Variants in SARDH observed in about 807,000 individuals in gnomAD.
SARDH encodes sarcosine dehydrogenase.
A neutral mutation model predicts 109.1 loss-of-function variants in SARDH; 95 were observed. The observed-to-expected ratio is 0.87, with a 90% CI of 0.74 to 1.03. The LOEUF is 1.03. Ranked by LOEUF, SARDH falls within the 50% of genes least tolerant of loss-of-function variation. The pLI is 0.00. For synonymous variants in SARDH, 572 were observed against 534.8 expected, an observed-to-expected ratio of 1.07 and a Z score of -0.96; for missense variants, 1,267 against 1,287.8, an observed-to-expected ratio of 0.98 and a Z score of 0.25.
chr9:133,710,354 C>T (rs958988953), intron 10 of SARDH, among the ~76,000 whole-genome samples: 9 of 152,246 alleles, frequency 5.9e-5, no homozygotes, highest in East Asian at 3.9e-4. Context: ...AAGGAACTCA[C>T]GCGCAGGGCG....
chr9:133,714,876 GA>G (rs1337259868), intron 8 of SARDH, among the ~76,000 whole-genome samples: 1 of 152,216 alleles, frequency 6.6e-6, no homozygotes, highest in Non-Finnish European at 1.5e-5. Context: ...GGGAGGGCAG[GA>G]AAGAAGCTCT....
chr9:133,734,431 ATT>A (rs1343787665), intron 1 of SARDH, among the ~76,000 whole-genome samples: 8 of 147,022 alleles, frequency 5.4e-5, no homozygotes, highest in African/African-American at 8.2e-5. Context: ...TCATTCACTC[ATT>A]CATTCACTCA....
intron 14 of SARDH, among the ~76,000 whole-genome samples, chr9:133,694,733 T>C: frequency 6.6e-6 from 1 of 152,220 alleles, no homozygotes; most frequent in East Asian, 1.9e-4. Context: ...GGCTCCTAGC[T>C]CCGTGCCTGG....
Position 133,685,182 on chromosome 9 carries a change from C to A in SARDH, c.2163+11G>T, listed in dbSNP as rs764474282. 2 of 1,613,028 alleles carry A rather than the reference C, an allele frequency of 1.2e-6. No homozygotes were observed. Among genetic ancestry groups the A allele is most frequent in the Non-Finnish European group, 1.7e-6 (2 of 1,179,424 alleles). Reference sequence around the variant, plus strand: ...CCCACGACCCAGAGGACGTGGCCAGCTGGAACCTACCAGGTGCCCTGCGGC... The same window carrying A: ...CCCACGACCCAGAGGACGTGGCCAGATGGAACCTACCAGGTGCCCTGCGGC... On this transcript the variant is annotated intron_variant, in intron 17 of 20. Transcript: ENST00000439388.
chr9:133,670,747 G>T lies in SARDH; in HGVS notation c.2332C>A (p.Arg778=). The T allele has an allele frequency of 6.4e-7, 1 of 1,571,602 alleles. No homozygotes were observed. Among genetic ancestry groups the T allele is most frequent in the African/African-American group, 1.4e-5 (1 of 73,606 alleles). ...IDSLSIEKGY[R]HWHADLRPDD... Reference sequence around the variant, plus strand: ...GGCCGCAGGTCCGCGTGCCAGTGCCGGTAGCCTGTGGGAAGGGAATCCATG... The same window carrying T: ...GGCCGCAGGTCCGCGTGCCAGTGCCTGTAGCCTGTGGGAAGGGAATCCATG... The change falls in exon 19 of 21, where the codon CGG becomes AGG. Residue 778 remains arginine, a synonymous_variant. Coordinates refer to ENST00000439388, the MANE Select transcript of SARDH (RefSeq NM_001134707.2).
At chr9:133,720,623 G>T (rs1204559689) in intron 6 of SARDH, among the ~76,000 whole-genome samples, 4 of 151,682 alleles carry the variant, frequency 2.6e-5, no homozygotes, top group African/African-American at 4.8e-5. Context: ...AGGAGCAAAG[G>T]CATGTCTTAC....
intron 18 of SARDH, among the ~76,000 whole-genome samples, chr9:133,671,055 G>T (rs1564232944): frequency 6.6e-6 from 1 of 152,182 alleles, no homozygotes; most frequent in Admixed American, 6.5e-5. Flanking sequence ...ACACCCAGGG[G>T]AGCTGCCTGA....
intron 17 of SARDH, among the ~76,000 whole-genome samples, chr9:133,678,118 A>C (rs1830580333): frequency 6.6e-6 from 1 of 152,140 alleles, no homozygotes; most frequent in Non-Finnish European, 1.5e-5. Flanking sequence ...GTCCCATTCC[A>C]TTCAGGCCAC....
At chr9:133,732,645 G>A (rs778857459) in intron 2 of SARDH, 44 bp from the exon 3 acceptor site, 3 of 1,547,944 alleles carry the variant, frequency 1.9e-6, no homozygotes, top group Non-Finnish European at 2.6e-6. Context: ...GGAGTGGACT[G>A]CACCTCCTTC....
At chr9:133,691,911 A>G (rs1010565172) in intron 15 of SARDH, among the ~76,000 whole-genome samples, 1 of 152,264 alleles carries the variant, frequency 6.6e-6, no homozygotes, top group East Asian at 1.9e-4. Context: ...ACACCCACCA[A>G]GTGCAAACCT....
chr9:133,733,818 C>A, intron 2 of SARDH, 25 bp downstream of exon 2: 1 of 1,446,716 alleles, frequency 6.9e-7, no homozygotes, highest in East Asian at 2.5e-5. Flanking sequence ...TCCTTCCCTG[C>A]CCCTACCTGG....
chr9:133,668,302 TCCC>T (rs1830151029), intron 19 of SARDH, among the ~76,000 whole-genome samples: 1 of 77,310 alleles, frequency 1.3e-5, no homozygotes, highest in East Asian at 4.2e-4. Flanking sequence ...TCCCTCCCTC[TCCC>T]TCCCTCTCCC....
At chr9:133,694,637 A>G (rs1831219915) in intron 14 of SARDH, among the ~76,000 whole-genome samples, 1 of 152,228 alleles carries the variant, frequency 6.6e-6, no homozygotes, top group Non-Finnish European at 1.5e-5. Context: ...TCTTCTTGAA[A>G]TGCCTTGGCA....
chr9:133,666,697 C>G lies in SARDH; in HGVS notation c.2631+38G>C, dbSNP rs201144043. ...AGCTGGTTTGGAGCTGGTGAGGGAT[C>G]GGCATCTGCCTTAGCAGGGCCAGAG... On this transcript the variant is annotated intron_variant, in intron 20 of 20. Transcript: ENST00000439388. The surrounding 1 kb of genome is among the most constrained non-coding windows in gnomAD (Gnocchi z 5.2). 36 of 1,561,724 alleles carry G rather than the reference C, an allele frequency of 2.3e-5. No homozygotes were observed. Among genetic ancestry groups the G allele is most frequent in the Non-Finnish European group, 1.2e-5 (14 of 1,153,240 alleles).
chr9:133,713,736 C>T (rs905525199), intron 8 of SARDH, among the ~76,000 whole-genome samples: 9 of 152,238 alleles, frequency 5.9e-5, no homozygotes, highest in African/African-American at 2.2e-4. Flanking sequence ...TGGCCACAGT[C>T]CTGGATTCAA....
chr9:133,694,178 TCCATCCTGC>T, intron 15 of SARDH, 71 bp downstream of exon 15: 1 of 1,062,598 alleles, frequency 9.4e-7, no homozygotes, highest in Non-Finnish European at 1.4e-6. Flanking sequence ...GCCCATCCCG[TCCATCCTGC>T]CCTGTCCACA....
At chr9:133,707,095 A>G (rs1831721872) in intron 11 of SARDH, among the ~76,000 whole-genome samples, 2 of 152,216 alleles carry the variant, frequency 1.3e-5, no homozygotes, top group South Asian at 4.1e-4. Context: ...TTATAAAAGA[A>G]AGAAAGAGAA....
In SARDH at chr9:133,730,744, G is replaced by A. The variant is rs549206667; in HGVS notation, c.691-557C>T. Among the ~76,000 whole-genome samples, 180 of 152,176 alleles carry A rather than the reference G, an allele frequency of 1.2e-3. 1 individual carries two copies. The highest frequency in any genetic ancestry group is 6.8e-3 in the Middle Eastern group (2 of 292). On this transcript the variant is annotated intron_variant, in intron 4 of 20. Transcript: ENST00000439388. ...TGTAATCCCAGGACTTTGGGAGGCC[G>A]AGGCCGGTGGATCACGAGGTCAGGA...
At position 133,728,858 on chromosome 9, in the gene SARDH, G is replaced by A. The variant is rs1334613429; in HGVS notation, c.915+907C>T. On this transcript the variant is annotated intron_variant, in intron 6 of 20. Transcript: ENST00000439388. This position sits in a 1 kb window ranked among gnomAD's most constrained non-coding sequence, Gnocchi z 5.0. ...GAGATGAGTGGCTAGAGGGAGGGAGGGAGGGATTGATGGGTAGAAGTTTAG... is the reference window on the plus strand; with the variant it reads ...GAGATGAGTGGCTAGAGGGAGGGAGAGAGGGATTGATGGGTAGAAGTTTAG... Among the ~76,000 whole-genome samples the A allele has an allele frequency of 6.6e-6, 1 of 152,052 alleles. No homozygotes were observed. The highest frequency in any genetic ancestry group is 2.4e-5 in the African/African-American group (1 of 41,406).
Sources: allele counts gnomAD v4.1 joint callset (sites outside exome capture counted in the v4.1 genomes callset), GRCh38; gene constraint gnomAD v4.1.1; non-coding constraint Gnocchi (gnomAD v3.1); transcripts MANE v1.5; gene names NCBI Gene and HGNC (gene_info 2026-07-23, HGNC 2026-07-21).